Variants in ODAD2 observed in about 807,000 individuals in gnomAD.
The protein encoded by ODAD2 is outer dynein arm docking complex subunit 2.
A neutral mutation model predicts 106.8 loss-of-function variants in ODAD2; 89 were observed. The ratio of observed to expected loss-of-function variants is 0.83; its 90% CI spans 0.70 to 0.99. ODAD2 has a LOEUF of 0.99. Ranked by LOEUF, ODAD2 falls within the 50% of genes least tolerant of loss-of-function variation. The pLI, the probability that ODAD2 is intolerant of heterozygous loss-of-function variation, is 0.00. For synonymous variants in ODAD2, 404 were observed against 436.2 expected, an observed-to-expected ratio of 0.93 and a Z score of 0.92; for missense variants, 1,168 against 1,238.5, an observed-to-expected ratio of 0.94 and a Z score of 0.85.
chr10:27,863,726 A>G (rs1413930962), intron 17 of ODAD2, among the ~76,000 whole-genome samples: 3 of 152,212 alleles, frequency 2.0e-5, no homozygotes, highest in African/African-American at 4.8e-5. Flanking sequence ...TGACTCCCCA[A>G]GGCCTAAGGG....
intron 19 of ODAD2, among the ~76,000 whole-genome samples, chr10:27,857,741 G>C (rs1316441324): frequency 6.6e-6 from 1 of 152,052 alleles, no homozygotes; most frequent in East Asian, 1.9e-4. Context: ...GCATTACATC[G>C]GCCACTGCTG....
At chr10:27,830,867 T>C (rs938546908) in intron 19 of ODAD2, among the ~76,000 whole-genome samples, 1 of 152,252 alleles carries the variant, frequency 6.6e-6, no homozygotes, top group African/African-American at 2.4e-5. Flanking sequence ...AATATGGCTG[T>C]CTTCAGTGCA....
intron 10 of ODAD2, among the ~76,000 whole-genome samples, chr10:27,947,966 T>C (rs949834987): frequency 6.6e-6 from 1 of 152,224 alleles, no homozygotes; most frequent in Non-Finnish European, 1.5e-5. Flanking sequence ...TATTTCAAGT[T>C]TTCTTAATTT....
At position 27,999,000 on chromosome 10, in the gene ODAD2, C is replaced by A; in HGVS notation, c.-45G>T. 6.5e-6 allele frequency: 1 copy of A among 153,154 alleles called. No individual in the cohort carries two copies. The highest frequency in any genetic ancestry group is 1.9e-4 in the South Asian group (1 of 5,332). 9.5% of individuals were successfully genotyped at this position (153,154 alleles called of 1,614,324 possible). ...CCGCAGCCCAGTCCGTTACCCTGGT[C>A]TCGGGACCTCCGCGCATCCAAGATT... On this transcript the variant is annotated 5_prime_UTR_variant, in exon 1 of 20. Coordinates refer to ENST00000305242, the MANE Select transcript of ODAD2 (RefSeq NM_018076.5).
intron 19 of ODAD2, among the ~76,000 whole-genome samples, chr10:27,822,785 A>G (rs1206288571): frequency 3.3e-5 from 5 of 152,160 alleles, no homozygotes; most frequent in Admixed American, 6.5e-5. Flanking sequence ...GTCCTCCTCA[A>G]GGTGATAGGT....
intron 17 of ODAD2, among the ~76,000 whole-genome samples, chr10:27,900,011 CCTG>C (rs1843090214): frequency 3.9e-5 from 6 of 152,152 alleles, no homozygotes; most frequent in Non-Finnish European, 8.8e-5. Context: ...CCCAGTGCCT[CCTG>C]ACTGGGAGAC....
intron 17 of ODAD2, among the ~76,000 whole-genome samples, chr10:27,903,221 C>A (rs1843338142): frequency 6.6e-6 from 1 of 152,136 alleles, no homozygotes; most frequent in South Asian, 2.1e-4. Context: ...TCAATAGATG[C>A]AGAAAAGGCC....
At position 27,872,937 on chromosome 10, in the gene ODAD2, G is replaced by A. The variant is rs372590283; in HGVS notation, c.2611-10315C>T. 3.8e-4 allele frequency among the ~76,000 whole-genome samples: 58 copies of A among 152,220 alleles called. 1 individual carries two copies. The East Asian group carries it at 4.1e-3, about 11-fold the overall frequency. ...AATAGTTTCAGAAGGAATGGTCCCC[G>A]CTCCTCCTTGTACTTCTGGTAGCAT... On this transcript the variant is annotated intron_variant, in intron 17 of 19. Coordinates refer to ENST00000305242, the MANE Select transcript of ODAD2 (RefSeq NM_018076.5).
At chr10:27,841,813 A>C (rs1409144911) in intron 19 of ODAD2, among the ~76,000 whole-genome samples, 1 of 151,760 alleles carries the variant, frequency 6.6e-6, no homozygotes, top group East Asian at 1.9e-4. Flanking sequence ...GGAGTATGGT[A>C]GTGCATTCAC....
Position 27,847,948 on chromosome 10 carries a change from C to T in ODAD2, c.3021+12677G>A, listed in dbSNP as rs547065128. 1.4e-3 allele frequency among the ~76,000 whole-genome samples: 211 copies of T among 152,318 alleles called. 1 individual carries two copies. The highest frequency in any genetic ancestry group is 4.9e-3 in the African/African-American group (205 of 41,564). ...GATACAAACAAATGGAAGAACATCC[C>T]ATGCTCTTGGATAGGAAGAATCAAT... On this transcript the variant is annotated intron_variant, in intron 19 of 19. Coordinates refer to ENST00000305242, the MANE Select transcript of ODAD2 (RefSeq NM_018076.5).
intron 10 of ODAD2, among the ~76,000 whole-genome samples, chr10:27,953,447 C>A (rs1385044746): frequency 6.6e-6 from 1 of 152,078 alleles, no homozygotes; most frequent in South Asian, 2.1e-4. Flanking sequence ...TTCAAAGAAT[C>A]CATCCTATAG....
intron 19 of ODAD2, among the ~76,000 whole-genome samples, chr10:27,817,283 G>A (rs2132812187): frequency 6.6e-6 from 1 of 152,128 alleles, no homozygotes; most frequent in Admixed American, 6.5e-5. Context: ...ATGATCTATG[G>A]TTCAGAATTT....
At chr10:27,928,206 C>A (rs1481651144) in intron 16 of ODAD2, among the ~76,000 whole-genome samples, 1 of 152,010 alleles carries the variant, frequency 6.6e-6, no homozygotes, top group Non-Finnish European at 1.5e-5. Flanking sequence ...CATCTTCTAC[C>A]AGTAAGTGGT....
At chr10:27,891,529 CTTA>C (rs1364744458) in intron 17 of ODAD2, among the ~76,000 whole-genome samples, 1 of 152,064 alleles carries the variant, frequency 6.6e-6, no homozygotes, top group African/African-American at 2.4e-5. Context: ...CAACAACTGA[CTTA>C]TTATACATTC....
At chr10:27,865,563 C>T (rs928761284) in intron 17 of ODAD2, among the ~76,000 whole-genome samples, 2 of 152,206 alleles carry the variant, frequency 1.3e-5, no homozygotes, top group African/African-American at 4.8e-5. Flanking sequence ...GCACCTATCA[C>T]TGCACATAGT....
intron 16 of ODAD2, among the ~76,000 whole-genome samples, chr10:27,916,720 T>C (rs1170187652): frequency 6.6e-6 from 1 of 152,122 alleles, no homozygotes. Context: ...GCTTACATTA[T>C]TGTAAGAAAT....
intron 17 of ODAD2, among the ~76,000 whole-genome samples, chr10:27,899,759 T>G (rs1387600710): frequency 6.6e-6 from 1 of 152,156 alleles, no homozygotes; most frequent in Admixed American, 6.5e-5. Context: ...AGACTGCCTC[T>G]CTAGATTCCT....
At chr10:27,888,468 C>G (rs1169864827) in intron 17 of ODAD2, among the ~76,000 whole-genome samples, 1 of 152,046 alleles carries the variant, frequency 6.6e-6, no homozygotes, top group Admixed American at 6.6e-5. Context: ...TGTACGTCTT[C>G]TTTTGAAAAA....
At chr10:27,939,516 G>C (rs932529846) in intron 14 of ODAD2, among the ~76,000 whole-genome samples, 1 of 152,102 alleles carries the variant, frequency 6.6e-6, no homozygotes, top group Non-Finnish European at 1.5e-5. Flanking sequence ...AGGGGTTTGA[G>C]ACCAGCCTGG....
Sources: gnomAD v4.1 joint callset for allele counts (sites outside exome capture counted in the v4.1 genomes callset) on GRCh38, gnomAD v4.1.1 for gene constraint, MANE v1.5 for transcripts, NCBI Gene and HGNC (gene_info 2026-07-23, HGNC 2026-07-21) for gene names.